Variants in IPO11 observed in about 807,000 individuals in gnomAD.
IPO11 encodes importin 11.
In IPO11, 66 loss-of-function variants were observed where a neutral mutation model predicts 143.2. The ratio of observed to expected loss-of-function variants is 0.46; its 90% CI spans 0.38 to 0.57. The LOEUF (loss-of-function observed/expected upper bound fraction) is 0.57, where lower values mean the gene tolerates loss of function less well. Among genes scored for constraint, IPO11 ranks in the 20% least tolerant of loss-of-function variants. IPO11 has a pLI of 0.00. For missense variants in IPO11, 1,026 were observed against 1,141.0 expected (o/e 0.90, Z 1.45); for synonymous variants, 385 against 377.8 (o/e 1.02, Z -0.22).
chr5:62,614,886 C>T (rs1235300730), intron 29 of IPO11, among the ~76,000 whole-genome samples: 1 of 152,060 alleles, frequency 6.6e-6, no homozygotes, highest in East Asian at 1.9e-4. Context: ...GTGGAGGTGG[C>T]TCTCAGTGAG....
At chr5:62,528,595 G>T (rs1156412372) in intron 21 of IPO11, among the ~76,000 whole-genome samples, 2 of 152,132 alleles carry the variant, frequency 1.3e-5, no homozygotes, top group Non-Finnish European at 2.9e-5. Context: ...AATTTTGGTA[G>T]CAGCTGGGAT....
chr5:62,444,335 G>A (rs560015078), intron 3 of IPO11, among the ~76,000 whole-genome samples: 221 of 151,822 alleles, frequency 1.5e-3, no homozygotes, highest in Non-Finnish European at 2.5e-3. Context: ...CTGGTGATCC[G>A]CCCGCCTTGG....
intron 5 of IPO11, among the ~76,000 whole-genome samples, chr5:62,464,937 T>C (rs908565089): frequency 6.6e-6 from 1 of 152,216 alleles, no homozygotes; most frequent in Middle Eastern, 3.2e-3. Context: ...AAATGTCGTT[T>C]TGTTGTAAGC....
intron 19 of IPO11, among the ~76,000 whole-genome samples, chr5:62,510,698 C>T (rs1741716197): frequency 6.6e-6 from 1 of 152,020 alleles, no homozygotes; most frequent in Non-Finnish European, 1.5e-5. Context: ...TTTTTTTCTC[C>T]TTCCTTTTAT....
chr5:62,447,364 C>T (rs1051782898), intron 3 of IPO11, among the ~76,000 whole-genome samples: 1 of 152,180 alleles, frequency 6.6e-6, no homozygotes, highest in Non-Finnish European at 1.5e-5. Flanking sequence ...CTTGGCCTTC[C>T]AAAATGCTGG....
chr5:62,473,140 G>T (rs1035168066), intron 7 of IPO11, among the ~76,000 whole-genome samples: 1 of 152,146 alleles, frequency 6.6e-6, no homozygotes, highest in African/African-American at 2.4e-5. Context: ...TATGAAAATG[G>T]AAGATGATGC....
intron 20 of IPO11, among the ~76,000 whole-genome samples, chr5:62,520,814 A>T (rs1742178710): frequency 6.6e-6 from 1 of 152,266 alleles, no homozygotes; most frequent in African/African-American, 2.4e-5. Context: ...CAATAAACAT[A>T]CATGTGCATG....
intron 15 of IPO11, among the ~76,000 whole-genome samples, chr5:62,493,710 A>C (rs1741026593): frequency 6.6e-6 from 1 of 152,082 alleles, no homozygotes; most frequent in South Asian, 2.1e-4. Flanking sequence ...CTGGGACCAC[A>C]GGTGCATGCC....
At chr5:62,611,997 TACTAAAA>T (rs1175371617) in intron 29 of IPO11, among the ~76,000 whole-genome samples, 1 of 152,186 alleles carries the variant, frequency 6.6e-6, no homozygotes, top group Non-Finnish European at 1.5e-5. Context: ...AAGTAACCTA[TACTAAAA>T]ACCACAAAAT....
chr5:62,450,184 G>A (rs1046615584), intron 4 of IPO11, among the ~76,000 whole-genome samples, 185 bp downstream of exon 4: 1 of 151,896 alleles, frequency 6.6e-6, no homozygotes, highest in Admixed American at 6.6e-5. Flanking sequence ...ATTAGATTTG[G>A]TTATTATTTA....
At chr5:62,427,540 C>T (rs1743802291) in intron 1 of IPO11, among the ~76,000 whole-genome samples, 1 of 152,186 alleles carries the variant, frequency 6.6e-6, no homozygotes, top group African/African-American at 2.4e-5. Context: ...AGGAGGTGAG[C>T]AGTGGGTGGA....
At chr5:62,590,230 T>C (rs1744959888) in intron 27 of IPO11, among the ~76,000 whole-genome samples, 1 of 152,210 alleles carries the variant, frequency 6.6e-6, no homozygotes, top group Non-Finnish European at 1.5e-5. Context: ...TTTTTTTTAA[T>C]GTTACCACTG....
At chr5:62,435,082 G>GTGTATATATGTGTATATA (rs1744128925) in intron 1 of IPO11, among the ~76,000 whole-genome samples, 1 of 94,504 alleles carries the variant, frequency 1.1e-5, no homozygotes, top group Non-Finnish European at 2.1e-5. Context: ...GTATATATAT[G>GTGTATATATGTGTATATA]TGTATATATG....
At chr5:62,536,402 G>T (rs1189055638) in intron 22 of IPO11, among the ~76,000 whole-genome samples, 1 of 149,772 alleles carries the variant, frequency 6.7e-6, no homozygotes, top group Non-Finnish European at 1.5e-5. Flanking sequence ...TTAAGCTTTG[G>T]GTTGATACCA....
At chr5:62,499,569 C>CTTTTTTTTTTTTTT (rs35545041) in intron 16 of IPO11, among the ~76,000 whole-genome samples, 1 of 100,104 alleles carries the variant, frequency 1.0e-5, no homozygotes, top group African/African-American at 3.8e-5. Context: ...CTTACTCTAA[C>CTTTTTTTTTTTTTT]TTTTTTTTTT....
At chr5:62,463,980 C>A (rs111369820) in intron 5 of IPO11, among the ~76,000 whole-genome samples, 2,541 of 151,004 alleles carry the variant, frequency 0.017, 67 homozygotes, top group African/African-American at 0.059. Context: ...CGTGCCACCA[C>A]GCCCAGCTAA....
intron 27 of IPO11, among the ~76,000 whole-genome samples, chr5:62,584,495 C>A (rs1266146661): frequency 6.6e-6 from 1 of 151,376 alleles, no homozygotes; most frequent in East Asian, 1.9e-4. Flanking sequence ...TGCCCGTAGT[C>A]CTAGCTACTC....
chr5:62,470,938 C>A (rs1365533785), intron 7 of IPO11, among the ~76,000 whole-genome samples: 1 of 147,796 alleles, frequency 6.8e-6, no homozygotes, highest in African/African-American at 2.5e-5. Context: ...AGCAGTTCTC[C>A]TGCCTCAGCC....
At chr5:62,436,485 G>A (rs1241319063) in intron 1 of IPO11, among the ~76,000 whole-genome samples, 2 of 152,036 alleles carry the variant, frequency 1.3e-5, no homozygotes, top group East Asian at 3.9e-4. Flanking sequence ...TATTTTGTAC[G>A]TGTATATTGT....
Sources: allele counts gnomAD v4.1 joint callset (sites outside exome capture counted in the v4.1 genomes callset), GRCh38; gene constraint gnomAD v4.1.1; transcripts MANE v1.5; gene names NCBI Gene and HGNC (gene_info 2026-07-23, HGNC 2026-07-21).